Variants in KIAA1217 observed in about 807,000 individuals in gnomAD.
KIAA1217 encodes KIAA1217, also known as sickle tail protein homolog.
Under a neutral mutation model 163.9 loss-of-function variants are expected in KIAA1217, and 88 were observed. The ratio of observed to expected loss-of-function variants is 0.54; its 90% CI spans 0.45 to 0.64. The LOEUF is 0.64. Among genes scored for constraint, KIAA1217 ranks in the 30% least tolerant of loss-of-function variants. KIAA1217 has a pLI of 0.00. For synonymous variants in KIAA1217, 903 were observed against 923.1 expected, an observed-to-expected ratio of 0.98 and a Z score of 0.39; for missense variants, 2,372 against 2,475.0, an observed-to-expected ratio of 0.96 and a Z score of 0.88.
chr10:24,416,049 G>C (rs944303218), intron 3 of KIAA1217, among the ~76,000 whole-genome samples: 1 of 152,170 alleles, frequency 6.6e-6, no homozygotes, highest in African/African-American at 2.4e-5. Flanking sequence ...TTGCCTGAGA[G>C]TGTCCCCAGG....
At chr10:24,443,146 G>A (rs1043397892) in intron 5 of KIAA1217, among the ~76,000 whole-genome samples, 2 of 152,084 alleles carry the variant, frequency 1.3e-5, no homozygotes, top group Non-Finnish European at 2.9e-5. Context: ...CCTGACCTCA[G>A]GTGATCCACC....
At chr10:23,744,150 T>C (rs1200102744) in intron 1 of KIAA1217, among the ~76,000 whole-genome samples, 3 of 152,150 alleles carry the variant, frequency 2.0e-5, no homozygotes, top group Non-Finnish European at 4.4e-5. Context: ...CTTGGAATTA[T>C]GGGCTTTAAA....
chr10:23,934,573 A>ATGTG, intron 1 of KIAA1217, among the ~76,000 whole-genome samples: 1 of 75,154 alleles, frequency 1.3e-5, no homozygotes, highest in African/African-American at 1.6e-4. Flanking sequence ...ATATATATAT[A>ATGTG]TATATATATA....
intron 1 of KIAA1217, among the ~76,000 whole-genome samples, chr10:23,888,092 C>G (rs1354316765): frequency 6.6e-6 from 1 of 151,910 alleles, no homozygotes; most frequent in East Asian, 2.0e-4. Flanking sequence ...GGAATACAGT[C>G]AAGTTTGCAA....
intron 2 of KIAA1217, among the ~76,000 whole-genome samples, chr10:24,227,784 G>A (rs1285222310): frequency 6.6e-6 from 1 of 151,950 alleles, no homozygotes; most frequent in Non-Finnish European, 1.5e-5. Context: ...CACCCACCTC[G>A]GCCTCCCAAA....
At chr10:23,895,479 A>C (rs1240799992) in intron 1 of KIAA1217, among the ~76,000 whole-genome samples, 1 of 152,176 alleles carries the variant, frequency 6.6e-6, no homozygotes, top group Non-Finnish European at 1.5e-5. Flanking sequence ...CAATCATTAA[A>C]AAGTCAGGAA....
chr10:24,428,173 A>G lies in KIAA1217; in HGVS notation c.554-4822A>G, dbSNP rs72776765. On this transcript the variant is annotated intron_variant, in intron 3 of 20. Transcript: ENST00000376454. ...GAGGCTGTGATACTTAACTGTAGGG[A>G]CGCCATTGGTGGCCTTTCTGCAGTG... Among the ~76,000 whole-genome samples the G allele has an allele frequency of 7.3e-3, 1,115 of 152,318 alleles. 9 individuals carry two copies. The highest frequency in any genetic ancestry group is 0.011 in the Non-Finnish European group (743 of 68,042).
At chr10:24,055,959 A>C (rs2060515918) in intron 2 of KIAA1217, among the ~76,000 whole-genome samples, 1 of 132,588 alleles carries the variant, frequency 7.5e-6, no homozygotes, top group Non-Finnish European at 1.5e-5. Flanking sequence ...ACTAAATTTA[A>C]AAAAAAAAAA....
chr10:23,928,032 T>C (rs1589093525), intron 1 of KIAA1217, among the ~76,000 whole-genome samples: 1 of 152,198 alleles, frequency 6.6e-6, no homozygotes, highest in Non-Finnish European at 1.5e-5. Context: ...GCTGGCAGGG[T>C]ACTTGATATC....
intron 2 of KIAA1217, among the ~76,000 whole-genome samples, chr10:24,090,332 C>CTTTTTTTT (rs35966270): frequency 6.8e-5 from 4 of 58,936 alleles, no homozygotes; most frequent in African/African-American, 4.7e-4. Context: ...ACATCCTGCT[C>CTTTTTTTT]TTTTTTTTTT....
At chr10:24,369,444 T>G (rs1360498788) in intron 2 of KIAA1217, among the ~76,000 whole-genome samples, 1 of 152,054 alleles carries the variant, frequency 6.6e-6, no homozygotes, top group African/African-American at 2.4e-5. Context: ...GAGGACATCA[T>G]AAGCTCTCCC....
chr10:24,504,306 T>C (rs1414853563), intron 9 of KIAA1217, among the ~76,000 whole-genome samples: 1 of 152,230 alleles, frequency 6.6e-6, no homozygotes, highest in Non-Finnish European at 1.5e-5. Context: ...CTTTTGAGCC[T>C]GGGAAGTTGG....
intron 3 of KIAA1217, among the ~76,000 whole-genome samples, chr10:24,393,497 G>A (rs147091476): frequency 1.5e-4 from 23 of 152,230 alleles, no homozygotes; most frequent in Non-Finnish European, 2.2e-4. Context: ...GACGCTCTTC[G>A]GTTTCTTGTG....
intron 1 of KIAA1217, among the ~76,000 whole-genome samples, chr10:23,873,305 G>T (rs1840545817): frequency 6.6e-6 from 1 of 151,744 alleles, no homozygotes; most frequent in Admixed American, 6.6e-5. Flanking sequence ...CCTTTAAAAA[G>T]GATATTATCA....
At chr10:23,724,502 A>G (rs539323800) in intron 1 of KIAA1217, among the ~76,000 whole-genome samples, 30 of 152,250 alleles carry the variant, frequency 2.0e-4, no homozygotes, top group Admixed American at 5.9e-4. Context: ...ATCTTTTTCA[A>G]AAGATATTAT....
intron 1 of KIAA1217, among the ~76,000 whole-genome samples, chr10:23,922,883 C>T (rs549186684): frequency 1.3e-5 from 2 of 152,200 alleles, no homozygotes; most frequent in East Asian, 1.9e-4. Context: ...TGATATAATA[C>T]TTAAAAACAA....
At chr10:24,200,700 G>A (rs2067215389) in intron 2 of KIAA1217, among the ~76,000 whole-genome samples, 1 of 152,136 alleles carries the variant, frequency 6.6e-6, no homozygotes, top group Admixed American at 6.5e-5. Flanking sequence ...GGGGAAATCT[G>A]ACTGGATCTC....
intron 2 of KIAA1217, among the ~76,000 whole-genome samples, chr10:24,010,958 C>T (rs775348220): frequency 3.9e-5 from 6 of 152,120 alleles, no homozygotes; most frequent in Non-Finnish European, 7.4e-5. Context: ...GAAGCCAAGA[C>T]ATCCAACAGC....
chr10:24,120,925 C>CT (rs2063258828), intron 2 of KIAA1217, among the ~76,000 whole-genome samples: 1 of 152,150 alleles, frequency 6.6e-6, no homozygotes, highest in Non-Finnish European at 1.5e-5. Flanking sequence ...GACTGACATC[C>CT]TTTGCTAGGT....
Sources: allele counts gnomAD v4.1 joint callset (sites outside exome capture counted in the v4.1 genomes callset), GRCh38; gene constraint gnomAD v4.1.1; transcripts MANE v1.5; gene names NCBI Gene and HGNC (gene_info 2026-07-23, HGNC 2026-07-21).